The following KLRG2 variants were observed in gnomAD, a reference collection of about 807,000 sequenced individuals.
KLRG2 encodes killer cell lectin-like receptor subfamily G member 2.
In KLRG2, 39 loss-of-function variants were observed where a neutral mutation model predicts 35.4. That is an observed-to-expected ratio of 1.10 (90% CI 0.85 to 1.44). The LOEUF (loss-of-function observed/expected upper bound fraction) is 1.44, where lower values mean the gene tolerates loss of function less well. Ranked by LOEUF, KLRG2 falls within the 40% of genes most tolerant of loss-of-function variation. The pLI is 0.00. For synonymous variants in KLRG2, 283 were observed against 265.8 expected (o/e 1.06, Z -0.63); for missense variants, 632 against 570.9 (o/e 1.11, Z -1.09).
At chr7:139,445,781 GTATATATA>G in the KLRG2 span, among the ~76,000 whole-genome samples, 1 of 98,508 alleles carries the variant, frequency 1.0e-5, no homozygotes, top group African/African-American at 7.6e-5. Flanking sequence ...ATATATATAT[GTATATATA>G]TATGTGTGTA....
rs1796927008 is a variant in KLRG2 at position 139,480,005 on chromosome 7, A to G, written c.859+141T>C. On this transcript the variant is annotated intron_variant, in intron 2 of 4. Coordinates refer to ENST00000340940, the MANE Select transcript of KLRG2 (RefSeq NM_198508.4). ...TGGGAGGAAGGCACCCATTTTCCTT[A>G]ACTTTGCTCATCAAGCACCATGTCT... 1.1e-5 allele frequency: 8 copies of G among 730,896 alleles called. No individual in the cohort carries two copies. In the South Asian group the frequency reaches 1.4e-4, roughly 13 times the overall value. 45.3% of individuals were successfully genotyped at this position (730,896 alleles called of 1,614,324 possible).
downstream of KLRG2, among the ~76,000 whole-genome samples, chr7:139,450,991 C>T (rs571793361): frequency 4.6e-5 from 7 of 152,250 alleles, no homozygotes; most frequent in African/African-American, 1.7e-4. Context: ...GTCCAAGCAG[C>T]CATATGGAGA....
chr7:139,480,593 G>A (rs564178470), intron 1 of KLRG2, among the ~76,000 whole-genome samples: 14 of 149,488 alleles, frequency 9.4e-5, no homozygotes, highest in East Asian at 5.9e-4. Flanking sequence ...TTACAGGTGC[G>A]TGCCACCATG....
intron 1 of KLRG2, among the ~76,000 whole-genome samples, chr7:139,481,822 G>A (rs13246277): frequency 0.17 from 25,128 of 152,010 alleles, 2,239 homozygotes; most frequent in Middle Eastern, 0.21. Context: ...TACTCGGGAG[G>A]AGGCTGAGGC....
chr7:139,432,544 A>ACC, the KLRG2 span, among the ~76,000 whole-genome samples: 1,125 of 100,790 alleles, frequency 0.011, 33 homozygotes, highest in African/African-American at 0.031. Context: ...TGATTGCAGG[A>ACC]CCCCCCCCCC....
At chr7:139,448,233 C>T (rs1051206116), downstream of KLRG2, among the ~76,000 whole-genome samples, 2 of 151,964 alleles carry the variant, frequency 1.3e-5, no homozygotes, top group African/African-American at 2.4e-5. Context: ...TGGGCTCAAG[C>T]GATCCTCCTA....
intron 3 of KLRG2, among the ~76,000 whole-genome samples, chr7:139,477,090 C>A (rs1796863870): frequency 6.6e-6 from 1 of 152,146 alleles, no homozygotes; most frequent in Non-Finnish European, 1.5e-5. Flanking sequence ...TTCCTGGCAC[C>A]TGCCCCCAGG....
intron 3 of KLRG2, among the ~76,000 whole-genome samples, chr7:139,467,657 C>T (rs918393416): frequency 1.3e-5 from 2 of 150,810 alleles, no homozygotes; most frequent in Admixed American, 1.3e-4. Context: ...TAAGAGTCAT[C>T]ACCACTCCCT....
In KLRG2 at chr7:139,483,039, G is replaced by C. The variant is rs1007371681; in HGVS notation, c.604C>G (p.Arg202Gly). ...GCGCTTCCTTCCGCGGGGCTGGCCC[G>C]GCCCTCTGCGTCGCAGCCGCTCTCC... ...RTESGCDAEG[R>G]ASPAEGSAGS... is the part of the protein sequence containing the mutation. Residue 202 changes from arginine to glycine, a missense_variant, in exon 1 of 5, where the codon CGG becomes GGG. Physicochemically the swap from Arg to Gly is moderately radical, Grantham distance 125. Coordinates refer to ENST00000340940, the MANE Select transcript of KLRG2 (RefSeq NM_198508.4). The C allele has an allele frequency of 1.2e-5, 17 of 1,375,248 alleles. No individual in the cohort carries two copies. The South Asian group carries it at 2.7e-4, about 22-fold the overall frequency. The allele number at this position is 1,375,248 out of a possible 1,614,324, so 85.2% of individuals were successfully genotyped here.
chr7:139,449,866 A>AT (rs910603047), downstream of KLRG2, among the ~76,000 whole-genome samples: 9 of 148,464 alleles, frequency 6.1e-5, no homozygotes, highest in African/African-American at 1.5e-4. Context: ...CGCTTGGCTA[A>AT]TTTTTTTTGT....
In KLRG2 at chr7:139,473,610, C is replaced by CA. The variant is rs767113933; in HGVS notation, c.1005+6016dup. On this transcript the variant is annotated intron_variant, in intron 3 of 4. Coordinates refer to ENST00000340940, the MANE Select transcript of KLRG2 (RefSeq NM_198508.4). ...CAATAAACAGAATAAAAAGTACACACAAAAAATCAGAGCTAATGCAGGGAG... is the reference window on the plus strand; with the variant it reads ...CAATAAACAGAATAAAAAGTACACACAAAAAAATCAGAGCTAATGCAGGGAG... Among the ~76,000 whole-genome samples, 6 of 152,162 alleles carry CA rather than the reference C, an allele frequency of 3.9e-5. No homozygotes were observed. In the East Asian group the frequency reaches 7.7e-4, roughly 20 times the overall value.
rs1206713311 is a variant in KLRG2, at chr7:139,483,629, C to T, written c.14G>A (p.Trp5Ter). The T allele has an allele frequency of 9.6e-6, 15 of 1,554,892 alleles. No individual in the cohort carries two copies. The highest frequency in any genetic ancestry group is 8.3e-5 in the African/African-American group (6 of 72,596). ...GGCTTGGCCTCCGGGCGCAGCCTCCCAAGACTCCTCCATCCCGCGCGCCCC... is the reference window on the plus strand; with the variant it reads ...GGCTTGGCCTCCGGGCGCAGCCTCCTAAGACTCCTCCATCCCGCGCGCCCC... MEES[W>*]EAAPGGQAGA... The change falls in exon 1 of 5, where the codon TGG becomes TAG. Residue 5 changes from tryptophan (W) to a stop codon, truncating the protein, a stop_gained. Coordinates refer to ENST00000340940, the MANE Select transcript of KLRG2 (RefSeq NM_198508.4). LOFTEE classifies it high-confidence loss of function.
the KLRG2 span, among the ~76,000 whole-genome samples, chr7:139,439,305 A>G: frequency 1.3e-5 from 2 of 152,170 alleles, no homozygotes; most frequent in East Asian, 3.9e-4. Flanking sequence ...ACTCTACAAC[A>G]GGGAAGATGG....
At chr7:139,446,493 G>A in the KLRG2 span, among the ~76,000 whole-genome samples, 1 of 151,766 alleles carries the variant, frequency 6.6e-6, no homozygotes, top group African/African-American at 2.4e-5. Context: ...GGGATTACAG[G>A]TGACTGCCAC....
At position 139,482,931 on chromosome 7, in the gene KLRG2, C is replaced by T. The variant is rs756534491; in HGVS notation, c.712G>A (p.Gly238Arg). The stretch of plus-strand genomic sequence containing the variant: ...GGCAGCTTCTCGTCGCCGTCCAACC[C>T]CGCGCGGGGCAACAGCGCCGCATCC... ...KEDAALLPRA[G>R]LDGDEKLPRA... The change falls in exon 1 of 5, where the codon GGG (glycine) becomes AGG (arginine). Residue 238 changes from glycine to arginine, a missense_variant. Transcript: ENST00000340940. The T allele has an allele frequency of 3.3e-6, 5 of 1,494,234 alleles. No individual in the cohort carries two copies. Among genetic ancestry groups the T allele is most frequent in the South Asian group, 1.3e-5 (1 of 77,910 alleles). 92.6% of individuals were successfully genotyped at this position (1,494,234 alleles called of 1,614,324 possible). A position where few individuals can be genotyped will look rare whatever the true frequency, so the allele number is the denominator to read the frequency against.
chr7:139,448,015 A>C (rs1796329454), downstream of KLRG2, among the ~76,000 whole-genome samples: 1 of 151,986 alleles, frequency 6.6e-6, no homozygotes, highest in Admixed American at 6.6e-5. Flanking sequence ...CTTGTCAGAC[A>C]GACAGGTCTG....
the KLRG2 span, among the ~76,000 whole-genome samples, chr7:139,447,154 T>C: frequency 1.3e-5 from 2 of 152,086 alleles, no homozygotes; most frequent in Non-Finnish European, 2.9e-5. Flanking sequence ...CCCAATAAAA[T>C]AGCATTTGAA....
the KLRG2 span, among the ~76,000 whole-genome samples, chr7:139,437,128 C>T: frequency 6.6e-6 from 1 of 152,146 alleles, no homozygotes; most frequent in Non-Finnish European, 1.5e-5. Flanking sequence ...TACAGATATT[C>T]AAGAAATGAA....
In KLRG2 at chr7:139,454,213, T is replaced by C; in HGVS notation, c.1007A>G (p.Asp336Gly). 3 of 1,486,922 alleles carry C rather than the reference T, an allele frequency of 2.0e-6. No individual in the cohort carries two copies. The highest frequency in any genetic ancestry group is 2.8e-6 in the Non-Finnish European group (3 of 1,090,182). 92.1% of individuals were successfully genotyped at this position (1,486,922 alleles called of 1,614,324 possible). Reference protein sequence around the residue: ...ATLPLLSHTQDFLGRYPVSRH... With the variant: ...ATLPLLSHTQGFLGRYPVSRH... Reference sequence around the variant, plus strand: ...GGAGACTGGGTATCTGCCCAGGAAGTCCTGAGGGAGAAAAGTAAGCTGGTC... The same window carrying C: ...GGAGACTGGGTATCTGCCCAGGAAGCCCTGAGGGAGAAAAGTAAGCTGGTC... Residue 336 changes from aspartate (D) to glycine (G), a missense_variant and splice_region_variant, in exon 4 of 5, where the codon GAC becomes GGC. Asp to Gly is a moderately conservative substitution (Grantham distance 94, BLOSUM62 -1). Coordinates refer to ENST00000340940, the MANE Select transcript of KLRG2 (RefSeq NM_198508.4).
Sources: allele counts gnomAD v4.1 joint callset (sites outside exome capture counted in the v4.1 genomes callset), GRCh38; gene constraint gnomAD v4.1.1; transcripts MANE v1.5; gene names NCBI Gene and HGNC (gene_info 2026-07-23, HGNC 2026-07-21).